CDH4: variants seen among roughly 807,000 people sequenced by gnomAD.
The protein encoded by CDH4 is cadherin-4.
CDH4 carries 33 observed loss-of-function variants against 86.0 expected under a neutral mutation model. The observed-to-expected ratio is 0.38, with a 90% CI of 0.29 to 0.51. CDH4 has a LOEUF of 0.51. Among genes scored for constraint, CDH4 ranks in the 20% least tolerant of loss-of-function variants. CDH4 has a pLI of 0.86. For missense variants in CDH4, 1,114 were observed against 1,307.4 expected (o/e 0.85, Z 2.28); for synonymous variants, 555 against 549.4 (o/e 1.01, Z -0.14).
intron 2 of CDH4, among the ~76,000 whole-genome samples, chr20:61,658,118 G>A (rs998235387): frequency 8.5e-5 from 13 of 152,100 alleles, no homozygotes; most frequent in Non-Finnish European, 1.6e-4. Flanking sequence ...ATCTGGCTGC[G>A]CTGTTGGCTG....
At chr20:61,721,831 T>C (rs1362089148) in intron 2 of CDH4, among the ~76,000 whole-genome samples, 1 of 152,182 alleles carries the variant, frequency 6.6e-6, no homozygotes. Context: ...GGATATTGGA[T>C]GGGCAGGAAT....
intron 2 of CDH4, among the ~76,000 whole-genome samples, chr20:61,711,440 G>A (rs891403949): frequency 2.3e-4 from 35 of 152,210 alleles, no homozygotes; most frequent in African/African-American, 8.2e-4. Flanking sequence ...TCCTTCTGGA[G>A]ACTCCAGGGC....
intron 2 of CDH4, among the ~76,000 whole-genome samples, chr20:61,316,531 C>A (rs2084477035): frequency 6.6e-6 from 1 of 152,226 alleles, no homozygotes; most frequent in Non-Finnish European, 1.5e-5. Flanking sequence ...GTCTCTCTCC[C>A]TTCCCATCTG....
At chr20:61,353,101 CCTGCTTCTT>C (rs1488145267) in intron 2 of CDH4, among the ~76,000 whole-genome samples, 1 of 152,208 alleles carries the variant, frequency 6.6e-6, no homozygotes, top group African/African-American at 2.4e-5. Context: ...CCGACTCTGT[CCTGCTTCTT>C]CTGCTCCAGC....
At chr20:61,513,154 T>C (rs1052621386) in intron 2 of CDH4, among the ~76,000 whole-genome samples, 2 of 152,132 alleles carry the variant, frequency 1.3e-5, no homozygotes, top group South Asian at 4.1e-4. Context: ...GCAGCTGCCA[T>C]TGGCCCCTTC....
intron 5 of CDH4, among the ~76,000 whole-genome samples, chr20:61,852,254 C>T (rs1380097079): frequency 6.6e-6 from 1 of 152,220 alleles, no homozygotes; most frequent in Non-Finnish European, 1.5e-5. Context: ...GCCCAATTCC[C>T]AGCCCAGCTC....
In CDH4 at chr20:61,923,168, C is replaced by G. The variant is rs1459335661; in HGVS notation, c.1375-283C>G. Among the ~76,000 whole-genome samples the G allele has an allele frequency of 5.3e-5, 8 of 152,322 alleles. No individual in the cohort carries two copies. The South Asian group carries it at 1.7e-3, about 32-fold the overall frequency. ...GGCCGCCCAGCGGGGGCTGCAGCCC[C>G]CCCAGGAGGAGCCCAGCTTCTGCCT... On this transcript the variant is annotated intron_variant, in intron 9 of 15. Coordinates refer to ENST00000614565, the MANE Select transcript of CDH4 (RefSeq NM_001794.5).
chr20:61,693,565 C>A (rs1365245540), intron 2 of CDH4, among the ~76,000 whole-genome samples: 1 of 152,250 alleles, frequency 6.6e-6, no homozygotes, highest in Admixed American at 6.5e-5. Flanking sequence ...AGCCCACCTG[C>A]CTCCTCTGCC....
chr20:61,858,237 CTG>C (rs1485433754), intron 6 of CDH4, among the ~76,000 whole-genome samples: 1 of 143,274 alleles, frequency 7.0e-6, no homozygotes, highest in Non-Finnish European at 1.5e-5. Flanking sequence ...GTCTGTGTGT[CTG>C]TGTCTGTGTG....
At chr20:61,911,946 C>G (rs2054855807) in intron 9 of CDH4, among the ~76,000 whole-genome samples, 3 of 152,306 alleles carry the variant, frequency 2.0e-5, no homozygotes, top group Admixed American at 1.3e-4. Flanking sequence ...GTTGTATTCT[C>G]TCACGTGAGA....
At chr20:61,677,644 AGTGG>A (rs1226841370) in intron 2 of CDH4, among the ~76,000 whole-genome samples, 3 of 30,244 alleles carry the variant, frequency 9.9e-5, no homozygotes, top group African/African-American at 3.9e-4. Context: ...CAAAAGGATA[AGTGG>A]GTAGGTAGGT....
intron 2 of CDH4, among the ~76,000 whole-genome samples, chr20:61,653,190 C>T (rs1189438137): frequency 3.8e-4 from 49 of 128,832 alleles, no homozygotes; most frequent in African/African-American, 1.3e-3. Context: ...CATCTTGCAC[C>T]GCCCTTAATC....
intron 2 of CDH4, among the ~76,000 whole-genome samples, chr20:61,607,196 T>C (rs926165299): frequency 1.3e-5 from 2 of 152,210 alleles, no homozygotes; most frequent in Non-Finnish European, 2.9e-5. Flanking sequence ...ACCAGACAGA[T>C]TTTTAATCTG....
chr20:61,565,104 T>G (rs76724240), intron 2 of CDH4, among the ~76,000 whole-genome samples: 6,878 of 48,194 alleles, frequency 0.14, 311 homozygotes, highest in East Asian at 0.16. Context: ...GGTGGTGCTC[T>G]TGGTGGTGCT....
intron 11 of CDH4, among the ~76,000 whole-genome samples, chr20:61,927,139 G>A (rs1325832583): frequency 2.0e-5 from 3 of 152,252 alleles, no homozygotes; most frequent in Non-Finnish European, 4.4e-5. Flanking sequence ...ACATCCGTGG[G>A]ATACATTTTT....
chr20:61,283,964 A>G (rs1296077368), intron 2 of CDH4, among the ~76,000 whole-genome samples: 2 of 152,096 alleles, frequency 1.3e-5, no homozygotes, highest in African/African-American at 2.4e-5. Flanking sequence ...GGTGGCCCCA[A>G]TCAATCCCAC....
chr20:61,883,795 C>T (rs896614642), intron 7 of CDH4, among the ~76,000 whole-genome samples: 2 of 152,178 alleles, frequency 1.3e-5, no homozygotes, highest in African/African-American at 4.8e-5. Flanking sequence ...TCTTGTTCCT[C>T]CCAGACATCT....
intron 5 of CDH4, among the ~76,000 whole-genome samples, chr20:61,851,421 G>C (rs1982720796): frequency 6.6e-6 from 1 of 152,196 alleles, no homozygotes; most frequent in Non-Finnish European, 1.5e-5. Flanking sequence ...TGGAATTCAG[G>C]GCCCCCCTGA....
chr20:61,921,893 C>T (rs988204758), intron 9 of CDH4, among the ~76,000 whole-genome samples: 3 of 152,186 alleles, frequency 2.0e-5, no homozygotes, highest in East Asian at 3.8e-4. Context: ...TTTATCCTCA[C>T]GATGTTTCTT....
Sources: allele counts gnomAD v4.1 joint callset (sites outside exome capture counted in the v4.1 genomes callset), GRCh38; gene constraint gnomAD v4.1.1; transcripts MANE v1.5; gene names NCBI Gene and HGNC (gene_info 2026-07-23, HGNC 2026-07-21).